The following NEGR1 variants were observed in gnomAD, a reference collection of about 807,000 sequenced individuals.
The protein encoded by NEGR1 is neuronal growth regulator 1, also known as IgLON family member 4.
A neutral mutation model predicts 40.9 loss-of-function variants in NEGR1; 10 were observed. The ratio of observed to expected loss-of-function variants is 0.24; its 90% CI spans 0.15 to 0.42. NEGR1 has a LOEUF of 0.42. Among genes scored for constraint, NEGR1 ranks in the 10% least tolerant of loss-of-function variants. The probability of loss-of-function intolerance (pLI) is 1.00; values close to 1 mark genes in which losing one functional copy is unlikely to be tolerated. For missense variants in NEGR1, 352 were observed against 438.9 expected, an observed-to-expected ratio of 0.80 and a Z score of 1.77; for synonymous variants, 185 against 166.8, an observed-to-expected ratio of 1.11 and a Z score of -0.84.
chr1:72,184,154 TAGA>T (rs762441255), intron 1 of NEGR1, among the ~76,000 whole-genome samples: 5 of 152,064 alleles, frequency 3.3e-5, no homozygotes, highest in Non-Finnish European at 7.4e-5. Context: ...GGACTGTTGT[TAGA>T]AGGAGCTTTG....
At chr1:71,739,988 C>A (rs573797302) in intron 3 of NEGR1, among the ~76,000 whole-genome samples, 1 of 152,178 alleles carries the variant, frequency 6.6e-6, no homozygotes, top group Non-Finnish European at 1.5e-5. Flanking sequence ...AGACATTCTT[C>A]TCTTCCACAG....
At chr1:71,952,932 G>A (rs1216933342) in intron 1 of NEGR1, among the ~76,000 whole-genome samples, 3 of 144,826 alleles carry the variant, frequency 2.1e-5, no homozygotes, top group African/African-American at 7.7e-5. Flanking sequence ...AATATTTTAA[G>A]TCATAGTTAA....
At chr1:72,160,179 C>CT (rs770476928) in intron 1 of NEGR1, among the ~76,000 whole-genome samples, 18 of 152,038 alleles carry the variant, frequency 1.2e-4, no homozygotes, top group Non-Finnish European at 2.2e-4. Context: ...GGTTTCATTC[C>CT]TTTTTCCAAC....
At chr1:72,260,324 T>A (rs887219551) in intron 1 of NEGR1, among the ~76,000 whole-genome samples, 4 of 152,102 alleles carry the variant, frequency 2.6e-5, no homozygotes, top group Admixed American at 6.5e-5. Context: ...ATAAGCCCAA[T>A]TTTTACAAAG....
intron 1 of NEGR1, among the ~76,000 whole-genome samples, chr1:72,249,404 A>G (rs993291007): frequency 3.3e-5 from 5 of 152,224 alleles, no homozygotes; most frequent in African/African-American, 1.2e-4. Context: ...TTGTCTCATC[A>G]GCCTCAGTAG....
At chr1:71,671,893 C>CTTTT (rs10708807) in intron 4 of NEGR1, among the ~76,000 whole-genome samples, 6 of 121,582 alleles carry the variant, frequency 4.9e-5, no homozygotes, top group African/African-American at 5.7e-5. Flanking sequence ...CTCTCTCTCT[C>CTTTT]TTTTTTTTTT....
intron 1 of NEGR1, among the ~76,000 whole-genome samples, chr1:72,102,008 A>G (rs1299630904): frequency 6.6e-6 from 1 of 152,052 alleles, no homozygotes; most frequent in East Asian, 1.9e-4. Flanking sequence ...ATGATCTCTT[A>G]TCTAATCCTA....
Position 71,397,620 on chromosome 1 carries a change from C to G in NEGR1, c.*9826G>C, listed in dbSNP as rs1646220689. 1 of 152,188 alleles carries G rather than the reference C, an allele frequency of 6.6e-6. No homozygotes were observed. Among genetic ancestry groups the G allele is most frequent in the Non-Finnish European group, 1.5e-5 (1 of 68,054 alleles). 9.4% of individuals were successfully genotyped at this position (152,188 alleles called of 1,614,324 possible). On this transcript the variant is annotated 3_prime_UTR_variant, in exon 7 of 7. Transcript: ENST00000357731. ...GAGATTACAAGCATGAGCCAGTGCA[C>G]CTGGCTGGCATTCAGTTTTAAAAGG... is the stretch of plus-strand genomic sequence containing the variant.
chr1:71,968,103 G>A (rs1467929089), intron 1 of NEGR1, among the ~76,000 whole-genome samples: 2 of 152,078 alleles, frequency 1.3e-5, no homozygotes, highest in Non-Finnish European at 2.9e-5. Context: ...ATCACTGACT[G>A]TATTATTTAC....
At chr1:71,952,957 GA>G (rs3061534) in intron 1 of NEGR1, among the ~76,000 whole-genome samples, 11,399 of 123,732 alleles carry the variant, frequency 0.092, 1,353 homozygotes, top group African/African-American at 0.29. Context: ...TACTGCTCAG[GA>G]AAAAAAAAAA....
At chr1:71,859,223 GTC>G (rs951778080) in intron 2 of NEGR1, among the ~76,000 whole-genome samples, 12 of 151,868 alleles carry the variant, frequency 7.9e-5, no homozygotes, top group African/African-American at 1.5e-4. Flanking sequence ...CAGGACATTG[GTC>G]TCTCTGCTGT....
chr1:72,094,936 T>C (rs975256427), intron 1 of NEGR1, among the ~76,000 whole-genome samples: 2 of 152,162 alleles, frequency 1.3e-5, no homozygotes, highest in Admixed American at 6.6e-5. Flanking sequence ...GAGAAGGTAA[T>C]ATAATTTCAA....
intron 6 of NEGR1, among the ~76,000 whole-genome samples, chr1:71,504,793 G>T (rs375897491): frequency 6.6e-6 from 1 of 152,142 alleles, no homozygotes; most frequent in African/African-American, 2.4e-5. Flanking sequence ...ATGTTAATTA[G>T]ATTGAGACCA....
rs185415759 is a variant in NEGR1, at chr1:72,137,846, G to A, written c.176+144473C>T. 5.3e-4 allele frequency among the ~76,000 whole-genome samples: 80 copies of A among 152,246 alleles called. No individual in the cohort carries two copies. The East Asian group carries it at 7.7e-3, about 15-fold the overall frequency. On this transcript the variant is annotated intron_variant, in intron 1 of 6. Coordinates refer to ENST00000357731, the MANE Select transcript of NEGR1 (RefSeq NM_173808.3). ...ACATTGCATACAGAAGACCACTTGT[G>A]TTATAAATGACAGCAGATTTCTTGT...
intron 1 of NEGR1, among the ~76,000 whole-genome samples, chr1:71,938,552 T>C (rs1327950573): frequency 1.3e-5 from 2 of 151,974 alleles, no homozygotes; most frequent in Non-Finnish European, 2.9e-5. Context: ...TTGACATGTG[T>C]ATGCTGTATT....
chr1:72,227,055 A>G (rs1283401263), intron 1 of NEGR1, among the ~76,000 whole-genome samples: 1 of 152,114 alleles, frequency 6.6e-6, no homozygotes, highest in East Asian at 1.9e-4. Context: ...CACAATCTAA[A>G]TGAGAAAGTG....
chr1:71,937,561 G>A (rs1452222473), intron 1 of NEGR1, among the ~76,000 whole-genome samples: 1 of 152,166 alleles, frequency 6.6e-6, no homozygotes, highest in Non-Finnish European at 1.5e-5. Flanking sequence ...AGATGTTTAG[G>A]TTAAATGACT....
intron 1 of NEGR1, among the ~76,000 whole-genome samples, chr1:72,179,806 C>A (rs572481871): frequency 6.6e-6 from 1 of 151,254 alleles, no homozygotes; most frequent in Non-Finnish European, 1.5e-5. Context: ...TTAAAAAAAA[C>A]CCTAGGAATA....
In NEGR1 at chr1:72,122,646, G is replaced by A. The variant is rs1236992082; in HGVS notation, c.176+159673C>T. Among the ~76,000 whole-genome samples the A allele has an allele frequency of 1.3e-5, 2 of 151,870 alleles. 1 individual carries two copies. The highest frequency in any genetic ancestry group is 2.9e-5 in the Non-Finnish European group (2 of 67,878). ...GCAGTTCTTAGGGATTGCACAATGA[G>A]CTGTTTATAGAAAATATCAGCATGT... On this transcript the variant is annotated intron_variant, in intron 1 of 6. Transcript: ENST00000357731.
Sources: gnomAD v4.1 joint callset for allele counts (sites outside exome capture counted in the v4.1 genomes callset) on GRCh38, gnomAD v4.1.1 for gene constraint, MANE v1.5 for transcripts, NCBI Gene and HGNC (gene_info 2026-07-23, HGNC 2026-07-21) for gene names.